PRKCE: variants seen among roughly 807,000 people sequenced by gnomAD.
The protein encoded by PRKCE is protein kinase C epsilon type.
In PRKCE, 16 loss-of-function variants were observed where a neutral mutation model predicts 85.4. The observed-to-expected ratio is 0.19, with a 90% CI of 0.13 to 0.28. The LOEUF (loss-of-function observed/expected upper bound fraction) is 0.28. PRKCE is among the 10% of genes least tolerant of loss of function. The pLI is 1.00. For missense variants in PRKCE, 573 were observed against 975.2 expected (o/e 0.59, Z 5.49); for synonymous variants, 388 against 371.5 (o/e 1.04, Z -0.51).
chr2:45,993,867 C>T lies in PRKCE; in HGVS notation c.824-7537C>T, dbSNP rs150457454. On this transcript the variant is annotated intron_variant, in intron 6 of 14. Transcript: ENST00000306156. ...TTAGTGATAACTCCATTAGTCAAGT[C>T]GGTGCCATGGCCTGGCTGCGCTGGA... 6.8e-4 allele frequency among the ~76,000 whole-genome samples: 103 copies of T among 152,246 alleles called. 1 individual carries two copies. Among genetic ancestry groups the T allele is most frequent in the African/African-American group, 2.4e-3 (99 of 41,550 alleles).
intron 2 of PRKCE, among the ~76,000 whole-genome samples, chr2:45,965,509 C>T (rs1558894551): frequency 6.6e-6 from 1 of 152,142 alleles, no homozygotes; most frequent in African/African-American, 2.4e-5. Flanking sequence ...AAAGTTTGCA[C>T]CCTAGCTTCT....
chr2:45,718,786 CAG>C, intron 1 of PRKCE, among the ~76,000 whole-genome samples: 1 of 152,284 alleles, frequency 6.6e-6, no homozygotes, highest in African/African-American at 2.4e-5. Flanking sequence ...ATGCTGGAAC[CAG>C]AGTCACAAAA....
At chr2:45,888,406 CCACTGGAAAGCCTCATGCCT>C (rs1695454819) in intron 2 of PRKCE, among the ~76,000 whole-genome samples, 1 of 151,668 alleles carries the variant, frequency 6.6e-6, no homozygotes, top group Non-Finnish European at 1.5e-5. Flanking sequence ...AAACATTTGG[CCACTGGAAAGCCTCATGCCT>C]CATCTTTAAA....
In PRKCE at chr2:45,668,112, G is replaced by A. The variant is rs186339070; in HGVS notation, c.348+15664G>A. ...TCCCAGCACTTTGAGAGGCCGAGGC[G>A]GTTGTATCACTTGAGGTCAGGAGTT... On this transcript the variant is annotated intron_variant, in intron 1 of 14. Transcript: ENST00000306156. Among the ~76,000 whole-genome samples, 1,109 of 152,290 alleles carry A rather than the reference G, an allele frequency of 7.3e-3. 12 individuals carry two copies. Among genetic ancestry groups the A allele is most frequent in the African/African-American group, 0.024 (994 of 41,556 alleles).
At chr2:45,654,723 A>G (rs1004700123) in intron 1 of PRKCE, among the ~76,000 whole-genome samples, 1 of 152,226 alleles carries the variant, frequency 6.6e-6, no homozygotes, top group African/African-American at 2.4e-5. Context: ...CTGAAGGATG[A>G]GTCAAGCAGT....
intron 1 of PRKCE, among the ~76,000 whole-genome samples, chr2:45,806,331 C>G (rs537281025): frequency 5.4e-4 from 82 of 152,274 alleles, no homozygotes; most frequent in Admixed American, 5.0e-3. Context: ...CTTAACCCAC[C>G]CGCTCCCCAA....
At chr2:45,998,434 G>C (rs1439902333) in intron 6 of PRKCE, among the ~76,000 whole-genome samples, 3 of 152,064 alleles carry the variant, frequency 2.0e-5, no homozygotes, top group African/African-American at 7.2e-5. Flanking sequence ...AACTTTCCTT[G>C]CTCTGAAGTC....
intron 1 of PRKCE, among the ~76,000 whole-genome samples, chr2:45,776,798 T>C (rs1685783481): frequency 1.3e-5 from 2 of 152,188 alleles, no homozygotes; most frequent in African/African-American, 4.8e-5. Flanking sequence ...CTCACAGCCT[T>C]TTGTCATGTA....
chr2:46,135,745 G>GTTTTTTTTTTT (rs1558491144), intron 11 of PRKCE, among the ~76,000 whole-genome samples: 19 of 14,886 alleles, frequency 1.3e-3, no homozygotes, highest in Non-Finnish European at 1.4e-3. Flanking sequence ...AACAAATTAT[G>GTTTTTTTTTTT]CTTTTTTTTT....
chr2:45,744,363 A>G (rs1000521512), intron 1 of PRKCE, among the ~76,000 whole-genome samples: 1 of 152,142 alleles, frequency 6.6e-6, no homozygotes, highest in Non-Finnish European at 1.5e-5. Flanking sequence ...TCAGAATCAC[A>G]TAAAGTAACT....
chr2:45,832,813 G>C (rs2105410304), intron 1 of PRKCE, among the ~76,000 whole-genome samples: 1 of 152,312 alleles, frequency 6.6e-6, no homozygotes, highest in Middle Eastern at 3.4e-3. Context: ...ATGCGCGCAA[G>C]TTATTTAAAT....
At chr2:45,680,998 T>C (rs992322483) in intron 1 of PRKCE, among the ~76,000 whole-genome samples, 1 of 152,156 alleles carries the variant, frequency 6.6e-6, no homozygotes, top group Admixed American at 6.6e-5. Context: ...TTTAAAGACA[T>C]AGCATTTTTG....
At chr2:46,129,811 G>T (rs75318255) in intron 11 of PRKCE, among the ~76,000 whole-genome samples, 3 of 152,228 alleles carry the variant, frequency 2.0e-5, no homozygotes, top group Admixed American at 6.5e-5. Flanking sequence ...TGTAAGACTC[G>T]CTGGGAAATG....
At chr2:45,832,932 G>C (rs1302257563) in intron 1 of PRKCE, among the ~76,000 whole-genome samples, 3 of 152,132 alleles carry the variant, frequency 2.0e-5, no homozygotes, top group Non-Finnish European at 2.9e-5. Context: ...TATGAGAGTT[G>C]TGATTATTAG....
chr2:46,096,526 G>C lies in PRKCE; in HGVS notation c.1592+10164G>C, dbSNP rs1017136587. Reference sequence around the variant, plus strand: ...TTGGGTGACCTAATCCAATATGACTGATGTCCTTATAAGAAGAGGAGGTTA... The same window carrying C: ...TTGGGTGACCTAATCCAATATGACTCATGTCCTTATAAGAAGAGGAGGTTA... On this transcript the variant is annotated intron_variant, in intron 11 of 14. Coordinates refer to ENST00000306156, the MANE Select transcript of PRKCE (RefSeq NM_005400.3). 3.3e-5 allele frequency among the ~76,000 whole-genome samples: 5 copies of C among 152,238 alleles called. No individual in the cohort carries two copies. The East Asian group carries it at 9.7e-4, about 29-fold the overall frequency.
chr2:46,014,572 T>G (rs1705964210), intron 10 of PRKCE, among the ~76,000 whole-genome samples: 1 of 152,198 alleles, frequency 6.6e-6, no homozygotes, highest in Non-Finnish European at 1.5e-5. Context: ...GAAAAAAAAT[T>G]TTTTATACAT....
intron 14 of PRKCE, among the ~76,000 whole-genome samples, chr2:46,166,080 C>T (rs1678310041): frequency 6.6e-6 from 1 of 152,210 alleles, no homozygotes; most frequent in African/African-American, 2.4e-5. Flanking sequence ...ATCCGCGCTG[C>T]ATGGCGGGAC....
intron 2 of PRKCE, among the ~76,000 whole-genome samples, chr2:45,849,333 G>A (rs570059561): frequency 1.3e-5 from 2 of 152,160 alleles, no homozygotes; most frequent in African/African-American, 4.8e-5. Context: ...TCAAGCCCAG[G>A]TACAGGCATC....
chr2:46,151,687 T>G (rs1676650172), intron 13 of PRKCE, among the ~76,000 whole-genome samples: 1 of 152,240 alleles, frequency 6.6e-6, no homozygotes, highest in South Asian at 2.1e-4. Context: ...CGCCCACCTG[T>G]GTCCACGACA....
Sources: allele counts gnomAD v4.1 joint callset (sites outside exome capture counted in the v4.1 genomes callset), GRCh38; gene constraint gnomAD v4.1.1; transcripts MANE v1.5; gene names NCBI Gene and HGNC (gene_info 2026-07-23, HGNC 2026-07-21).